LYST: variants seen among roughly 807,000 people sequenced by gnomAD.
The protein encoded by LYST is lysosomal-trafficking regulator.
A neutral mutation model predicts 413.6 loss-of-function variants in LYST; 192 were observed. The ratio of observed to expected loss-of-function variants is 0.46; its 90% CI spans 0.41 to 0.52. The LOEUF (loss-of-function observed/expected upper bound fraction) is 0.52, where lower values mean the gene tolerates loss of function less well. Among genes scored for constraint, LYST ranks in the 20% least tolerant of loss-of-function variants. The pLI is 0.00. For missense variants in LYST, 3,815 were observed against 4,499.9 expected, an observed-to-expected ratio of 0.85 and a Z score of 4.35; for synonymous variants, 1,525 against 1,567.3, an observed-to-expected ratio of 0.97 and a Z score of 0.64.
intron 13 of LYST, among the ~76,000 whole-genome samples, chr1:235,787,596 C>T (rs970296091): frequency 6.6e-6 from 1 of 151,810 alleles, no homozygotes; most frequent in African/African-American, 2.4e-5. Flanking sequence ...GGCTCATTGG[C>T]TGGTAGTCAT....
chr1:235,691,699 CTTTT>C (rs1161712139), intron 47 of LYST, among the ~76,000 whole-genome samples: 1 of 141,990 alleles, frequency 7.0e-6, no homozygotes, highest in Non-Finnish European at 1.5e-5. Context: ...CAGATTCTCT[CTTTT>C]TTTTTTTTTT....
At chr1:235,677,950 A>C (rs1333101276) in intron 48 of LYST, among the ~76,000 whole-genome samples, 2 of 152,084 alleles carry the variant, frequency 1.3e-5, no homozygotes, top group Non-Finnish European at 2.9e-5. Context: ...CATTGTCTTC[A>C]AAATAATTTT....
At chr1:235,707,877 G>A (rs943587480) in intron 44 of LYST, among the ~76,000 whole-genome samples, 2 of 151,902 alleles carry the variant, frequency 1.3e-5, no homozygotes, top group African/African-American at 2.4e-5. Context: ...TTTTTTTGGG[G>A]GGGGATTTTG....
At chr1:235,830,118 CTG>C in intron 3 of LYST, 106 bp downstream of exon 3, 1 of 790,142 alleles carries the variant, frequency 1.3e-6, no homozygotes, top group Non-Finnish European at 2.1e-6. Flanking sequence ...ATGTGAAAGA[CTG>C]GACTTTATCT....
chr1:235,762,548 T>C (rs767215319), intron 22 of LYST, among the ~76,000 whole-genome samples, 172 bp downstream of exon 22: 1 of 152,198 alleles, frequency 6.6e-6, no homozygotes, highest in Non-Finnish European at 1.5e-5. Context: ...CAGAACAAGA[T>C]AGCATGAGCC....
rs1453062946 is a variant in LYST, at chr1:235,802,940, C to T, written c.3680G>A (p.Ser1227Asn). 1.2e-6 allele frequency: 2 copies of T among 1,613,612 alleles called. No homozygotes were observed. The highest frequency in any genetic ancestry group is 2.7e-5 in the African/African-American group (2 of 75,042). ...CTGGGTTTCGCCATCTTCAGGATTG[C>T]TTTCACTATCTGCTTCGTAACCTTC... is the stretch of plus-strand genomic sequence containing the variant. Reference protein sequence around the residue: ...EEEGYEADSESNPEDGETQDD... With the variant: ...EEEGYEADSENNPEDGETQDD... Residue 1227 changes from serine (S) to asparagine (N), a missense_variant, in exon 8 of 53, where the codon AGC becomes AAC. By Grantham distance (46) the Ser-to-Asn change is conservative. Transcript: ENST00000389793.
intron 1 of LYST, among the ~76,000 whole-genome samples, chr1:235,845,561 T>G (rs1384950523): frequency 6.6e-6 from 1 of 152,144 alleles, no homozygotes; most frequent in Non-Finnish European, 1.5e-5. Context: ...GCCCTTTTCT[T>G]TCGTAGCTGA....
intron 24 of LYST, 82 bp from the exon 25 acceptor site, chr1:235,755,729 T>C (rs1352719884): frequency 2.5e-6 from 2 of 786,894 alleles, no homozygotes; most frequent in Non-Finnish European, 4.3e-6. Flanking sequence ...ACAACTGTAT[T>C]TGTAAATTAA....
chr1:235,852,267 T>A lies in LYST; in HGVS notation c.-98+14576A>T, dbSNP rs556974062. Among the ~76,000 whole-genome samples the A allele has an allele frequency of 3.9e-5, 6 of 152,134 alleles. No homozygotes were observed. The South Asian group carries it at 1.2e-3, about 32-fold the overall frequency. ...CCTCAATGGGAAAATGAATTCAGAG[T>A]TCCAACTTGAATTGCTAGCAATATG... On this transcript the variant is annotated intron_variant, in intron 1 of 52. Coordinates refer to ENST00000389793, the MANE Select transcript of LYST (RefSeq NM_000081.4).
intron 1 of LYST, among the ~76,000 whole-genome samples, chr1:235,879,630 T>C (rs1681286713): frequency 6.6e-6 from 1 of 152,254 alleles, no homozygotes; most frequent in Admixed American, 6.5e-5. Context: ...TTTTATTACA[T>C]ACTAACTCCC....
At chr1:235,680,759 C>T (rs372331418) in intron 48 of LYST, among the ~76,000 whole-genome samples, 1 of 151,972 alleles carries the variant, frequency 6.6e-6, no homozygotes, top group Non-Finnish European at 1.5e-5. Flanking sequence ...CCACCACGCC[C>T]GGCTAATTTT....
intron 50 of LYST, among the ~76,000 whole-genome samples, chr1:235,667,598 T>C (rs1174061189): frequency 6.6e-6 from 1 of 152,158 alleles, no homozygotes; most frequent in East Asian, 1.9e-4. Flanking sequence ...TCAAAATCCA[T>C]GGATGCTCAA....
At position 235,864,548 on chromosome 1, in the gene LYST, G is replaced by A. The variant is rs558282135; in HGVS notation, c.-98+2295C>T. Among the ~76,000 whole-genome samples, 34 of 152,236 alleles carry A rather than the reference G, an allele frequency of 2.2e-4. 1 individual carries two copies. The South Asian group carries it at 6.6e-3, about 30-fold the overall frequency. ...TGGCCTGGATTAGGGCAACAGTTCC[G>A]GATTGGTATCCCAGCTTCTGCTCCT... On this transcript the variant is annotated intron_variant, in intron 1 of 52. Coordinates refer to ENST00000389793, the MANE Select transcript of LYST (RefSeq NM_000081.4).
chr1:235,810,540 G>T lies in LYST; in HGVS notation c.284-6C>A. On this transcript the variant is annotated splice_polypyrimidine_tract_variant and splice_region_variant and intron_variant, in intron 4 of 52. Coordinates refer to ENST00000389793, the MANE Select transcript of LYST (RefSeq NM_000081.4). ...TGAGAGCGGTAGGTTAAAATCTAAT[G>T]GAATGAAAAAAGAAGGCTTAGAATA... 6.2e-7 allele frequency: 1 copy of T among 1,608,352 alleles called. No individual in the cohort carries two copies. The highest frequency in any genetic ancestry group is 8.5e-7 in the Non-Finnish European group (1 of 1,179,116).
Position 235,775,067 on chromosome 1 carries a change from C to T in LYST, c.5480G>A (p.Cys1827Tyr), listed in dbSNP as rs1197396452. 1 of 1,611,102 alleles carries T rather than the reference C, an allele frequency of 6.2e-7. No individual in the cohort carries two copies. The highest frequency in any genetic ancestry group is 2.2e-5 in the East Asian group (1 of 44,724). ...CAGTGCTAATGCTTGAGTTTCTTCA[C>T]AGCTACTGAGTTCAACAACCTAAAA... ...LFARVVELSS[C>Y]EETQALALRV... Residue 1827 changes from cysteine to tyrosine, a missense_variant, in exon 18 of 53, where the codon TGT becomes TAT. By Grantham distance (194) the Cys-to-Tyr change is radical (BLOSUM62 -2). Coordinates refer to ENST00000389793, the MANE Select transcript of LYST (RefSeq NM_000081.4).
chr1:235,734,881 T>C lies in LYST; in HGVS notation c.8359-222A>G, dbSNP rs371992296. The C allele has an allele frequency of 1.5e-3, 567 of 377,726 alleles. 8 individuals are homozygous for C. In the South Asian group the frequency reaches 0.029, roughly 19 times the overall value. The allele number at this position is 377,726 out of a possible 1,614,324, so 23.4% of individuals were successfully genotyped here. A position where few individuals can be genotyped will look rare whatever the true frequency, so the allele number is the denominator to read the frequency against. On this transcript the variant is annotated intron_variant, in intron 31 of 52. Transcript: ENST00000389793. ...AATTTTGTTAGATGTAATAATGTTA[T>C]GTTACATAGGAAAACATTTAAAAAA...
At chr1:235,721,558 A>G (rs1489640246) in intron 39 of LYST, among the ~76,000 whole-genome samples, 1 of 152,226 alleles carries the variant, frequency 6.6e-6, no homozygotes, top group Non-Finnish European at 1.5e-5. Context: ...CAGATATGAA[A>G]TACCCATTCT....
chr1:235,714,880 T>A (rs980066791), intron 42 of LYST, among the ~76,000 whole-genome samples: 1 of 152,234 alleles, frequency 6.6e-6, no homozygotes, highest in Non-Finnish European at 1.5e-5. Context: ...TTAGGTAGAA[T>A]GTCTTTAAAA....
intron 1 of LYST, chr1:235,840,260 T>G (rs1677065681): frequency 1.3e-5 from 2 of 152,020 alleles, no homozygotes; most frequent in South Asian, 4.1e-4. Flanking sequence ...GGAAGCTTCA[T>G]GAAGAATAAA....
Sources: gnomAD v4.1 joint callset for allele counts (sites outside exome capture counted in the v4.1 genomes callset) on GRCh38, gnomAD v4.1.1 for gene constraint, MANE v1.5 for transcripts, NCBI Gene and HGNC (gene_info 2026-07-23, HGNC 2026-07-21) for gene names.